The following NACC2 variants were observed in gnomAD, a reference collection of about 807,000 sequenced individuals.
NACC2 encodes nucleus accumbens-associated protein 2.
Under a neutral mutation model 25.1 loss-of-function variants are expected in NACC2, and 8 were observed. The observed-to-expected ratio is 0.32, with a 90% CI of 0.19 to 0.57. The LOEUF is 0.57. Among genes scored for constraint, NACC2 ranks in the 20% least tolerant of loss-of-function variants. The pLI is 0.89. For missense variants in NACC2, 644 were observed against 650.2 expected, an observed-to-expected ratio of 0.99 and a Z score of 0.10; for synonymous variants, 435 against 294.7, an observed-to-expected ratio of 1.48 and a Z score of -4.88.
chr9:136,042,992 A>G lies in NACC2; in HGVS notation c.886+6644T>C, dbSNP rs541870009. Among the ~76,000 whole-genome samples, 5 of 152,176 alleles carry G rather than the reference A, an allele frequency of 3.3e-5. No homozygotes were observed. In the South Asian group the frequency reaches 1.0e-3, roughly 32 times the overall value. The stretch of plus-strand genomic sequence containing the variant: ...CACACACATAGACGCAGACACACAG[A>G]CACAGTGTTGCCCCATCCTGGATAG... On this transcript the variant is annotated intron_variant, in intron 2 of 5. Coordinates refer to ENST00000277554, the MANE Select transcript of NACC2 (RefSeq NM_144653.5).
rs911017137 is a variant in NACC2 at position 136,013,010 on chromosome 9, C to T, written c.1255+189G>A. On this transcript the variant is annotated intron_variant, in intron 5 of 5. Transcript: ENST00000277554. The surrounding 1 kb of genome is among the most constrained non-coding windows in gnomAD (Gnocchi z 6.6). Reference sequence around the variant, plus strand: ...CTTGGAAACCTACCAAGAACGTTAACACCTCGAGACCTGGCTTCTGAGAGC... The same window carrying T: ...CTTGGAAACCTACCAAGAACGTTAATACCTCGAGACCTGGCTTCTGAGAGC... Among the ~76,000 whole-genome samples the T allele has an allele frequency of 6.6e-6, 1 of 152,262 alleles. No homozygotes were observed. Among genetic ancestry groups the T allele is most frequent in the African/African-American group, 2.4e-5 (1 of 41,472 alleles).
intron 2 of NACC2, among the ~76,000 whole-genome samples, chr9:136,027,518 A>G (rs1022503352): frequency 1.3e-5 from 2 of 152,238 alleles, no homozygotes; most frequent in African/African-American, 2.4e-5. Context: ...GGCTGAGTGC[A>G]TTCTATGTCC....
chr9:136,025,636 G>A (rs936081594), intron 2 of NACC2, among the ~76,000 whole-genome samples: 31 of 151,460 alleles, frequency 2.0e-4, no homozygotes, highest in Non-Finnish European at 2.9e-5. Flanking sequence ...AAACGCAGCC[G>A]GGCGCAGTGG....
In NACC2 at chr9:136,008,671, G is replaced by A. The variant is rs2131126979; in HGVS notation, c.*2845C>T. The A allele has an allele frequency of 6.6e-6, 1 of 152,354 alleles. No homozygotes were observed. Among genetic ancestry groups the A allele is most frequent in the African/African-American group, 2.4e-5 (1 of 41,582 alleles). 9.4% of individuals were successfully genotyped at this position (152,354 alleles called of 1,614,324 possible). A position where few individuals can be genotyped will look rare whatever the true frequency, so the allele number is the denominator to read the frequency against. On this transcript the variant is annotated 3_prime_UTR_variant, in exon 6 of 6. Coordinates refer to ENST00000277554, the MANE Select transcript of NACC2 (RefSeq NM_144653.5). ...GGTTTCCTTGGGAAAAATGATCAAA[G>A]GATGCTAAGGCACTCTGGAAGGCCC...
At chr9:136,048,136 C>A (rs1840757001) in intron 2 of NACC2, among the ~76,000 whole-genome samples, 1 of 152,216 alleles carries the variant, frequency 6.6e-6, no homozygotes, top group South Asian at 2.1e-4. Context: ...TCCTCAGGGA[C>A]TGTAGGGGTG....
chr9:136,013,778 C>T lies in NACC2; in HGVS notation c.1157+86G>A. 1.6e-6 allele frequency: 2 copies of T among 1,246,026 alleles called. No homozygotes were observed. The highest frequency in any genetic ancestry group is 2.3e-6 in the Non-Finnish European group (2 of 878,570). The allele number at this position is 1,246,026 out of a possible 1,614,324, so 77.2% of individuals were successfully genotyped here. ...GCGAGAGGGCTTTCAATGCCACAAC[C>T]CTGGACGATCAGACAGCTCATAGCT... On this transcript the variant is annotated intron_variant, in intron 4 of 5. Transcript: ENST00000277554. This position sits in a 1 kb window ranked among gnomAD's most constrained non-coding sequence, Gnocchi z 6.6.
At chr9:136,071,028 A>C (rs1841144012) in intron 1 of NACC2, among the ~76,000 whole-genome samples, 1 of 150,980 alleles carries the variant, frequency 6.6e-6, no homozygotes, top group Non-Finnish European at 1.5e-5. Flanking sequence ...TCAGGAGTTC[A>C]AGACCAGTCT....
chr9:136,016,372 C>T lies in NACC2; in HGVS notation c.944G>A (p.Arg315His), dbSNP rs748465703. The T allele has an allele frequency of 9.9e-6, 16 of 1,611,662 alleles. No individual in the cohort carries two copies. The highest frequency in any genetic ancestry group is 2.2e-5 in the East Asian group (1 of 44,886). Residue 315 changes from arginine (R) to histidine (H), a missense_variant, in exon 3 of 6, where the codon CGC becomes CAC. Arg to His is a conservative substitution (Grantham distance 29). Transcript: ENST00000277554. ...GCTGGCAGGTAGGGCCACGAGGTCG[C>T]GGCGGATGAGGACGCAGGAGCGGCT... ...LESRSCVLIR[R>H]DLVALPASLI...
rs1355123968 is a variant in NACC2, at chr9:136,007,126, T to G, written c.*4390A>C. On this transcript the variant is annotated 3_prime_UTR_variant, in exon 6 of 6. Transcript: ENST00000277554. ...AAAAATAGTATTGCAAGTTTTGGCT[T>G]CTTTTGACATAAAAATCACAATCGT... 6.5e-6 allele frequency: 1 copy of G among 154,424 alleles called. No homozygotes were observed. The highest frequency in any genetic ancestry group is 1.5e-5 in the Non-Finnish European group (1 of 68,218). 9.6% of individuals were successfully genotyped at this position (154,424 alleles called of 1,614,324 possible).
At chr9:136,033,664 A>AG (rs1412762327) in intron 2 of NACC2, among the ~76,000 whole-genome samples, 2 of 151,520 alleles carry the variant, frequency 1.3e-5, no homozygotes, top group African/African-American at 4.8e-5. Context: ...AAAAAAAAAA[A>AG]AAAAGAACTT....
intron 2 of NACC2, among the ~76,000 whole-genome samples, chr9:136,043,581 C>T (rs998924258): frequency 7.9e-5 from 12 of 152,294 alleles, no homozygotes; most frequent in African/African-American, 1.7e-4. Flanking sequence ...CCATGACACA[C>T]GGAAATATAC....
At chr9:136,023,364 G>A (rs1056587450) in intron 2 of NACC2, among the ~76,000 whole-genome samples, 1 of 152,142 alleles carries the variant, frequency 6.6e-6, no homozygotes. Context: ...TCAGCTCTCG[G>A]AGAACGTGGG....
At chr9:136,066,442 C>G (rs1168850742) in intron 1 of NACC2, among the ~76,000 whole-genome samples, 2 of 152,082 alleles carry the variant, frequency 1.3e-5, no homozygotes, top group Non-Finnish European at 2.9e-5. Context: ...CAAATCAAAA[C>G]CACAAAGAGA....
In NACC2 at chr9:136,084,719, C is replaced by T. The variant is rs1273066246; in HGVS notation, c.-60+10470G>A. Among the ~76,000 whole-genome samples the T allele has an allele frequency of 2.0e-5, 3 of 152,202 alleles. No homozygotes were observed. Among genetic ancestry groups the T allele is most frequent in the Non-Finnish European group, 2.9e-5 (2 of 68,038 alleles). ...AATGGGTGACAGTCAAAGGAAATGG[C>T]GGCGGGCGCACACACACACATACAT... On this transcript the variant is annotated intron_variant, in intron 1 of 5. Transcript: ENST00000277554. This position sits in a 1 kb window ranked among gnomAD's most constrained non-coding sequence, Gnocchi z 5.1.
chr9:136,038,884 G>A (rs1004916056), intron 2 of NACC2, among the ~76,000 whole-genome samples: 12 of 152,276 alleles, frequency 7.9e-5, no homozygotes, highest in African/African-American at 2.6e-4. Flanking sequence ...GTAAGCAATC[G>A]TGGAGCTAAA....
intron 1 of NACC2, among the ~76,000 whole-genome samples, chr9:136,058,657 C>T (rs1277431666): frequency 6.6e-6 from 1 of 152,184 alleles, no homozygotes; most frequent in Non-Finnish European, 1.5e-5. Context: ...GTGACGAGCT[C>T]GATCGCAACC....
chr9:136,092,241 GA>G (rs1358412005), intron 1 of NACC2, among the ~76,000 whole-genome samples: 1 of 152,164 alleles, frequency 6.6e-6, no homozygotes, highest in Non-Finnish European at 1.5e-5. Context: ...GCACTTCGGG[GA>G]AGGCCCAGGA....
chr9:136,011,819 C>T lies in NACC2; in HGVS notation c.1461G>A (p.Ala487=), dbSNP rs757368830. Residue 487 remains alanine (A), a synonymous_variant, in exon 6 of 6, where the codon GCG becomes GCA. Coordinates refer to ENST00000277554, the MANE Select transcript of NACC2 (RefSeq NM_144653.5). ...AGATGCGTTGCTCGAACACCTGTGC[C>T]GCGGCAGGCGGGAACTCGGGGTCGA... ...VPLDPEFPPA[A]AQVFEQRIYA... is the part of the protein sequence containing the mutation. The T allele has an allele frequency of 3.6e-5, 57 of 1,574,276 alleles. No homozygotes were observed. Among genetic ancestry groups the T allele is most frequent in the Middle Eastern group, 1.7e-4 (1 of 6,006 alleles).
chr9:136,054,061 T>C (rs1339278636), intron 1 of NACC2, among the ~76,000 whole-genome samples: 1 of 152,220 alleles, frequency 6.6e-6, no homozygotes, highest in Non-Finnish European at 1.5e-5. Flanking sequence ...TACCCTCAGA[T>C]GGTTCCTGGG....
Sources: gnomAD v4.1 joint callset for allele counts (sites outside exome capture counted in the v4.1 genomes callset) on GRCh38, gnomAD v4.1.1 for gene constraint, Gnocchi (gnomAD v3.1) non-coding constraint, MANE v1.5 for transcripts, NCBI Gene and HGNC (gene_info 2026-07-23, HGNC 2026-07-21) for gene names.